The following PGBD1 variants were observed in gnomAD, a reference collection of about 807,000 sequenced individuals.
PGBD1 encodes piggyBac transposable element-derived protein 1.
In PGBD1, 25 loss-of-function variants were observed where a neutral mutation model predicts 34.7. That is an observed-to-expected ratio of 0.72 (90% CI 0.52 to 1.00). The LOEUF (loss-of-function observed/expected upper bound fraction) is 1.00, where lower values mean the gene tolerates loss of function less well. Among genes scored for constraint, PGBD1 ranks in the 50% least tolerant of loss-of-function variants. The probability of loss-of-function intolerance (pLI) is 0.00; values close to 1 mark genes in which losing one functional copy is unlikely to be tolerated. For missense variants in PGBD1, 830 were observed against 959.4 expected (o/e 0.87, Z 1.78); for synonymous variants, 292 against 335.7 (o/e 0.87, Z 1.42).
In PGBD1 at chr6:28,283,871, A is replaced by C; in HGVS notation, c.58A>C (p.Lys20Gln). 6.2e-7 allele frequency: 1 copy of C among 1,612,138 alleles called. No individual in the cohort carries two copies. The highest frequency in any genetic ancestry group is 8.5e-7 in the Non-Finnish European group (1 of 1,178,352). ...PENEDGLVKV[K>Q]EEDPTWEQVC... ...AAATGAAGATGGCCTTGTGAAAGTG[A>C]AGGAGGAAGATCCCACCTGGGAGCA... The change falls in exon 2 of 7, where the codon AAG (lysine) becomes CAG (glutamine). Residue 20 changes from lysine (K) to glutamine (Q), a missense_variant. Around this residue, in one of 3 missense-constraint regions of PGBD1, gnomAD observed 457 missense variants for 515.4 expected, o/e 0.89. Transcript: ENST00000682144.
Position 28,300,727 on chromosome 6 carries a change from G to A in PGBD1, c.873G>A (p.Glu291=). Residue 291 remains glutamate (E), a synonymous_variant, in exon 7 of 7, where the codon GAG becomes GAA. Coordinates refer to ENST00000682144, the MANE Select transcript of PGBD1 (RefSeq NM_032507.4). This position sits in a 1 kb window ranked among gnomAD's most constrained non-coding sequence, Gnocchi z 4.0. ...ATGTTCTTTTTTTCTTTCCCAGAGA[G>A]TGTGCACCCCAGATTCCTTGTAGTA... The part of the protein sequence containing the change: ...SGEASGKPNR[E]CAPQIPCSTP... The A allele has an allele frequency of 6.2e-7, 1 of 1,602,010 alleles. No homozygotes were observed. Among genetic ancestry groups the A allele is most frequent in the Admixed American group, 1.7e-5 (1 of 57,558 alleles).
At chr6:28,283,076 G>A (rs962508073) in intron 1 of PGBD1, among the ~76,000 whole-genome samples, 5 of 152,332 alleles carry the variant, frequency 3.3e-5, no homozygotes, top group African/African-American at 9.6e-5. Flanking sequence ...TTCAGGTGGT[G>A]AATTATTTGA....
chr6:28,299,150 A>G (rs1387323097), intron 6 of PGBD1, among the ~76,000 whole-genome samples: 1 of 152,212 alleles, frequency 6.6e-6, no homozygotes, highest in Non-Finnish European at 1.5e-5. Context: ...CAACTGGAGA[A>G]TAGGAATCTG....
At chr6:28,297,434 T>A (rs1236164691) in intron 5 of PGBD1, among the ~76,000 whole-genome samples, 1 of 152,184 alleles carries the variant, frequency 6.6e-6, no homozygotes, top group Non-Finnish European at 1.5e-5. Flanking sequence ...TGGAGCATAG[T>A]GGCACGATGA....
intron 5 of PGBD1, 41 bp downstream of exon 5, chr6:28,296,986 A>G: frequency 6.2e-7 from 1 of 1,610,166 alleles, no homozygotes; most frequent in Non-Finnish European, 8.5e-7. Context: ...CTGGACTCTC[A>G]TTTTCCTGTC....
chr6:28,300,899 C>A lies in PGBD1; in HGVS notation c.1045C>A (p.Arg349=), dbSNP rs61741278. The part of the protein sequence containing the change: ...TRKGRKKDKA[R]VSELLQGLSF... ...AAAAGGGAGAAAAAAAGACAAAGCT[C>A]GAGTGAGTGAACTGCTCCAAGGCCT... Residue 349 remains arginine (R), a synonymous_variant, in exon 7 of 7, where the codon CGA becomes AGA. Coordinates refer to ENST00000682144, the MANE Select transcript of PGBD1 (RefSeq NM_032507.4). This position sits in a 1 kb window ranked among gnomAD's most constrained non-coding sequence, Gnocchi z 4.0. The A allele has an allele frequency of 6.2e-7, 1 of 1,614,042 alleles. No individual in the cohort carries two copies. Among genetic ancestry groups the A allele is most frequent in the Admixed American group, 1.7e-5 (1 of 59,996 alleles).
chr6:28,299,767 C>T (rs1762766021), intron 6 of PGBD1, among the ~76,000 whole-genome samples: 1 of 152,018 alleles, frequency 6.6e-6, no homozygotes, highest in African/African-American at 2.4e-5. Context: ...CTTTGGGAGG[C>T]CGAGGTGAGT....
At chr6:28,282,556 A>T (rs1762161252) in intron 1 of PGBD1, among the ~76,000 whole-genome samples, 1 of 152,240 alleles carries the variant, frequency 6.6e-6, no homozygotes, top group East Asian at 1.9e-4. Flanking sequence ...TGAAAATAAT[A>T]GTAAAATTAT....
Position 28,301,390 on chromosome 6 carries a change from C to T in PGBD1, c.1536C>T (p.His512=). Residue 512 remains histidine, a synonymous_variant, in exon 7 of 7, where the codon CAC becomes CAT. Coordinates refer to ENST00000682144, the MANE Select transcript of PGBD1 (RefSeq NM_032507.4). Reference sequence around the variant, plus strand: ...ACCTGCACTTTGCAGATAATGGCCACCTAGATCAAAAAGATAAGTTTACAA... The same window carrying T: ...ACCTGCACTTTGCAGATAATGGCCATCTAGATCAAAAAGATAAGTTTACAA... ...FSNLHFADNG[H]LDQKDKFTKL... is the part of the protein sequence containing the mutation. 6.2e-7 allele frequency: 1 copy of T among 1,613,988 alleles called. No homozygotes were observed. The highest frequency in any genetic ancestry group is 8.5e-7 in the Non-Finnish European group (1 of 1,179,998).
At chr6:28,298,026 G>A in intron 6 of PGBD1, 35 bp downstream of exon 6, 2 of 1,388,090 alleles carry the variant, frequency 1.4e-6, no homozygotes, top group Non-Finnish European at 2.0e-6. Context: ...ATCAAATCCT[G>A]CAGATATAAG....
At chr6:28,298,125 T>C (rs1166459128) in intron 6 of PGBD1, 134 bp downstream of exon 6, 2 of 700,866 alleles carry the variant, frequency 2.9e-6, no homozygotes, top group African/African-American at 1.8e-5. Context: ...TCTGTGATCA[T>C]AGGAGGTCCA....
In PGBD1 at chr6:28,298,476, G is replaced by A. The variant is rs369613688; in HGVS notation, c.869+485G>A. Among the ~76,000 whole-genome samples, 297 of 152,134 alleles carry A rather than the reference G, an allele frequency of 2.0e-3. 1 individual carries two copies. Among genetic ancestry groups the A allele is most frequent in the African/African-American group, 5.4e-3 (224 of 41,502 alleles). On this transcript the variant is annotated intron_variant, in intron 6 of 6. Coordinates refer to ENST00000682144, the MANE Select transcript of PGBD1 (RefSeq NM_032507.4). Reference sequence around the variant, plus strand: ...TGATGCTCAAAGGAAATGCTCATTGGAGCATTTTGGATTTTGGATCTTTGG... The same window carrying A: ...TGATGCTCAAAGGAAATGCTCATTGAAGCATTTTGGATTTTGGATCTTTGG...
chr6:28,297,107 C>T (rs146712830), intron 5 of PGBD1, among the ~76,000 whole-genome samples, 162 bp downstream of exon 5: 207 of 152,336 alleles, frequency 1.4e-3, no homozygotes, highest in Non-Finnish European at 2.2e-3. Context: ...ACTTTGCATC[C>T]TTCCCAATCA....
rs1460338478 is a variant in PGBD1 at position 28,302,468 on chromosome 6, C to A, written c.*184C>A. 1 of 653,716 alleles carries A rather than the reference C, an allele frequency of 1.5e-6. No individual in the cohort carries two copies. The highest frequency in any genetic ancestry group is 2.4e-6 in the Non-Finnish European group (1 of 414,426). The allele number at this position is 653,716 out of a possible 1,614,324, so 40.5% of individuals were successfully genotyped here. ...TGTAACAAGTAATGTTAAAAATTGT[C>A]TGTGAGAATGTTGAACTGTAGTACC... On this transcript the variant is annotated 3_prime_UTR_variant, in exon 7 of 7. Transcript: ENST00000682144.
rs1762797646 is a variant in PGBD1 at position 28,300,626 on chromosome 6, C to T, written c.870-98C>T. 7.2e-7 allele frequency: 1 copy of T among 1,391,092 alleles called. No homozygotes were observed. The highest frequency in any genetic ancestry group is 2.4e-5 in the Admixed American group (1 of 42,052). 86.2% of individuals were successfully genotyped at this position (1,391,092 alleles called of 1,614,324 possible). ...AAATAAGTAAGTATCCCCCCACACC[C>T]ACCCCAAGCCCCAAAAGATTTAAGC... On this transcript the variant is annotated intron_variant, in intron 6 of 6. Coordinates refer to ENST00000682144, the MANE Select transcript of PGBD1 (RefSeq NM_032507.4). The surrounding 1 kb of genome is among the most constrained non-coding windows in gnomAD (Gnocchi z 4.0).
chr6:28,296,707 C>T (rs1762645099), intron 4 of PGBD1, 109 bp from the exon 5 acceptor site: 1 of 1,266,156 alleles, frequency 7.9e-7, no homozygotes, highest in Non-Finnish European at 1.1e-6. Context: ...TACAAAATGC[C>T]CTGAGGGGCT....
At position 28,301,164 on chromosome 6, in the gene PGBD1, A is replaced by T. The variant is rs371650496; in HGVS notation, c.1310A>T (p.Asn437Ile). The T allele has an allele frequency of 1.3e-5, 21 of 1,614,094 alleles. No homozygotes were observed. Among genetic ancestry groups the T allele is most frequent in the Non-Finnish European group, 1.7e-5 (20 of 1,180,040 alleles). ...GATGAAACATTCAACTTAATTGTCA[A>T]TGAAACCAATAATTATGCTTCTCAG... is the stretch of plus-strand genomic sequence containing the variant. ...FDDETFNLIV[N>I]ETNNYASQKN... The change falls in exon 7 of 7, where the codon AAT (asparagine) becomes ATT (isoleucine). Residue 437 changes from asparagine to isoleucine, a missense_variant. Coordinates refer to ENST00000682144, the MANE Select transcript of PGBD1 (RefSeq NM_032507.4).
chr6:28,299,365 CT>C (rs1375375084), intron 6 of PGBD1, among the ~76,000 whole-genome samples: 4 of 150,190 alleles, frequency 2.7e-5, no homozygotes, highest in Admixed American at 6.6e-5. Context: ...TTAGCTCACT[CT>C]TTTTTCCCAT....
chr6:28,281,604 G>GCCCGCCAGA lies in PGBD1; in HGVS notation c.-344_-336dup, dbSNP rs902955091. On this transcript the variant is annotated 5_prime_UTR_variant, in exon 1 of 7. Coordinates refer to ENST00000682144, the MANE Select transcript of PGBD1 (RefSeq NM_032507.4). The stretch of plus-strand genomic sequence containing the variant: ...CCCAGCTGCTGGAGGCGCCGGCAGC[G>GCCCGCCAGA]CCCGCCAGACCCGCCAGCCCAGCGG... 7.8e-6 allele frequency: 3 copies of GCCCGCCAGA among 384,326 alleles called. No homozygotes were observed. Among genetic ancestry groups the GCCCGCCAGA allele is most frequent in the East Asian group, 7.3e-5 (2 of 27,276 alleles). The allele number at this position is 384,326 out of a possible 1,614,324, so 23.8% of individuals were successfully genotyped here.
Sources: allele counts gnomAD v4.1 joint callset (sites outside exome capture counted in the v4.1 genomes callset), GRCh38; gene constraint gnomAD v4.1.1; regional missense constraint gnomAD v4.1.1; non-coding constraint Gnocchi (gnomAD v3.1); transcripts MANE v1.5; gene names NCBI Gene and HGNC (gene_info 2026-07-23, HGNC 2026-07-21).